The following EPB41L4B variants were observed in gnomAD, a reference collection of about 807,000 sequenced individuals.
EPB41L4B encodes the protein band 4.1-like protein 4B.
Under a neutral mutation model 112.5 loss-of-function variants are expected in EPB41L4B, and 30 were observed. The ratio of observed to expected loss-of-function variants is 0.27; its 90% CI spans 0.20 to 0.36. EPB41L4B has a LOEUF of 0.36. Among genes scored for constraint, EPB41L4B ranks in the 10% least tolerant of loss-of-function variants. EPB41L4B has a pLI of 1.00. For synonymous variants in EPB41L4B, 408 were observed against 439.7 expected (o/e 0.93, Z 0.90); for missense variants, 1,024 against 1,133.3 (o/e 0.90, Z 1.38).
At chr9:109,318,019 C>T (rs1837696821) in intron 1 of EPB41L4B, among the ~76,000 whole-genome samples, 1 of 152,142 alleles carries the variant, frequency 6.6e-6, no homozygotes, top group Non-Finnish European at 1.5e-5. Flanking sequence ...TGATGCAGTC[C>T]TAATATCTAA....
At chr9:109,218,849 C>T (rs73654232) in intron 15 of EPB41L4B, among the ~76,000 whole-genome samples, 2 of 152,176 alleles carry the variant, frequency 1.3e-5, no homozygotes, top group Non-Finnish European at 2.9e-5. Flanking sequence ...GCAGGGCTAA[C>T]CCCTTTTTCT....
chr9:109,280,086 T>C (rs1028490198), intron 1 of EPB41L4B, among the ~76,000 whole-genome samples, 165 bp from the exon 2 acceptor site: 6 of 152,200 alleles, frequency 3.9e-5, no homozygotes, highest in Admixed American at 3.3e-4. Context: ...AAACTCATGA[T>C]TAAAGAAACT....
At chr9:109,184,506 A>G (rs1174010110) in intron 23 of EPB41L4B, among the ~76,000 whole-genome samples, 1 of 152,260 alleles carries the variant, frequency 6.6e-6, no homozygotes, top group Non-Finnish European at 1.5e-5. Flanking sequence ...GGCGTGAGCC[A>G]CTGTGCCCTG....
intron 2 of EPB41L4B, among the ~76,000 whole-genome samples, chr9:109,272,539 G>T (rs891823082): frequency 2.6e-5 from 4 of 152,100 alleles, no homozygotes; most frequent in Non-Finnish European, 5.9e-5. Flanking sequence ...GATCACTTGA[G>T]GTGAGGAGTT....
At chr9:109,311,955 T>C (rs1355167389) in intron 1 of EPB41L4B, among the ~76,000 whole-genome samples, 2 of 152,160 alleles carry the variant, frequency 1.3e-5, no homozygotes, top group African/African-American at 2.4e-5. Context: ...GCCTTGGAGA[T>C]GGGGCTGCCT....
chr9:109,295,994 C>T (rs538471528), intron 1 of EPB41L4B, among the ~76,000 whole-genome samples: 53 of 152,264 alleles, frequency 3.5e-4, no homozygotes, highest in African/African-American at 1.3e-3. Flanking sequence ...GAATTTGAAA[C>T]AAGCTGCTGG....
At chr9:109,273,315 G>T (rs1044637092) in intron 2 of EPB41L4B, among the ~76,000 whole-genome samples, 2 of 151,494 alleles carry the variant, frequency 1.3e-5, no homozygotes, top group Non-Finnish European at 2.9e-5. Flanking sequence ...GGTGTGATCT[G>T]GGCTCACTGC....
intron 15 of EPB41L4B, among the ~76,000 whole-genome samples, chr9:109,226,761 T>TATATGAAGA (rs1833793221): frequency 2.1e-5 from 3 of 142,224 alleles, no homozygotes; most frequent in African/African-American, 8.3e-5. Flanking sequence ...GAAGAATATA[T>TATATGAAGA]ATATATGAAT....
intron 11 of EPB41L4B, 141 bp from the exon 12 acceptor site, chr9:109,253,691 A>C: frequency 1.6e-6 from 1 of 644,882 alleles, no homozygotes; most frequent in East Asian, 2.8e-5. Context: ...AGAAACACAA[A>C]GTTTAACCTT....
intron 1 of EPB41L4B, among the ~76,000 whole-genome samples, chr9:109,296,023 A>G (rs1836719689): frequency 6.6e-6 from 1 of 152,204 alleles, no homozygotes; most frequent in African/African-American, 2.4e-5. Context: ...CAGCCCTGAA[A>G]ATAAATTGCC....
At chr9:109,318,266 G>T (rs1057044943) in intron 1 of EPB41L4B, among the ~76,000 whole-genome samples, 2 of 152,142 alleles carry the variant, frequency 1.3e-5, no homozygotes, top group Non-Finnish European at 2.9e-5. Context: ...ACCTGGGACA[G>T]GGGAATTCTT....
intron 15 of EPB41L4B, among the ~76,000 whole-genome samples, chr9:109,228,609 T>C (rs1208410787): frequency 6.6e-6 from 1 of 152,220 alleles, no homozygotes; most frequent in African/African-American, 2.4e-5. Flanking sequence ...CTGCAGTTAG[T>C]ATAGTGACTA....
chr9:109,176,929 C>T (rs1432988034), intron 24 of EPB41L4B, among the ~76,000 whole-genome samples: 1 of 152,176 alleles, frequency 6.6e-6, no homozygotes, highest in African/African-American at 2.4e-5. Context: ...ATCTTAGGCA[C>T]CATCAGTTGT....
At chr9:109,318,244 C>T (rs1837707954) in intron 1 of EPB41L4B, among the ~76,000 whole-genome samples, 1 of 151,992 alleles carries the variant, frequency 6.6e-6, no homozygotes, top group Non-Finnish European at 1.5e-5. Flanking sequence ...AGAAATTTGC[C>T]GTCCTGGGAA....
chr9:109,179,591 G>T (rs1158043875), intron 24 of EPB41L4B, among the ~76,000 whole-genome samples: 1 of 152,100 alleles, frequency 6.6e-6, no homozygotes, highest in Non-Finnish European at 1.5e-5. Context: ...TGTTTCAAAG[G>T]CATTTCTAAT....
intron 15 of EPB41L4B, among the ~76,000 whole-genome samples, chr9:109,237,671 T>TGGGGTGTGTTTGG (rs1181584532): frequency 6.6e-6 from 1 of 151,924 alleles, no homozygotes; most frequent in Non-Finnish European, 1.5e-5. Context: ...ACTAGACCAC[T>TGGGGTGTGTTTGG]GGAGGGGGTG....
intron 12 of EPB41L4B, among the ~76,000 whole-genome samples, chr9:109,252,173 CA>C (rs1834812967): frequency 6.6e-6 from 1 of 152,282 alleles, no homozygotes; most frequent in African/African-American, 2.4e-5. Flanking sequence ...ACAGCCACAC[CA>C]GGGGGTCCCT....
At chr9:109,260,641 C>T (rs1231737067) in intron 6 of EPB41L4B, among the ~76,000 whole-genome samples, 1 of 152,064 alleles carries the variant, frequency 6.6e-6, no homozygotes, top group African/African-American at 2.4e-5. Context: ...TCTTGAACTC[C>T]GGACCTCAGG....
Position 109,174,376 on chromosome 9 carries a change from G to A in EPB41L4B, c.*178C>T, listed in dbSNP as rs1831733309. 1.8e-5 allele frequency: 11 copies of A among 617,532 alleles called. No homozygotes were observed. Among genetic ancestry groups the A allele is most frequent in the South Asian group, 1.3e-4 (7 of 52,354 alleles). 38.3% of individuals were successfully genotyped at this position (617,532 alleles called of 1,614,324 possible). Reference sequence around the variant, plus strand: ...GTAATAGAAAAACTCTAATGCTTAGGAGACATAAAATAACTTTTCCCATAA... The same window carrying A: ...GTAATAGAAAAACTCTAATGCTTAGAAGACATAAAATAACTTTTCCCATAA... On this transcript the variant is annotated 3_prime_UTR_variant, in exon 26 of 26. Transcript: ENST00000374566.
Sources: allele counts gnomAD v4.1 joint callset (sites outside exome capture counted in the v4.1 genomes callset), GRCh38; gene constraint gnomAD v4.1.1; transcripts MANE v1.5; gene names NCBI Gene and HGNC (gene_info 2026-07-23, HGNC 2026-07-21).